The following MRTFA variants were observed in gnomAD, a reference collection of about 807,000 sequenced individuals.
The protein encoded by MRTFA is myocardin related transcription factor A, also known as myocardin-related transcription factor A.
A neutral mutation model predicts 83.5 loss-of-function variants in MRTFA; 20 were observed. The ratio of observed to expected loss-of-function variants is 0.24; its 90% CI spans 0.17 to 0.35. MRTFA has a LOEUF of 0.35. MRTFA is among the 10% of genes least tolerant of loss of function. The pLI is 1.00. For synonymous variants in MRTFA, 659 were observed against 541.2 expected (o/e 1.22, Z -3.02); for missense variants, 1,200 against 1,224.7 (o/e 0.98, Z 0.30).
In MRTFA at chr22:40,420,501, G is replaced by A. The variant is rs2052808053; in HGVS notation, c.1257C>T (p.Ser419=). The A allele has an allele frequency of 1.2e-6, 2 of 1,613,682 alleles. No homozygotes were observed. The highest frequency in any genetic ancestry group is 8.5e-7 in the Non-Finnish European group (1 of 1,180,042). Residue 419 remains serine (S), a synonymous_variant, in exon 11 of 15, where the codon AGC becomes AGT. Coordinates refer to ENST00000355630, the MANE Select transcript of MRTFA (RefSeq NM_020831.6). ...GCCCACAGGGCCCAGGGGCGCCCGA[G>A]CTGGAGCTGCTATTGGTAGTGGAGA...
intron 3 of MRTFA, among the ~76,000 whole-genome samples, chr22:40,514,929 G>A (rs1395795407): frequency 7.9e-5 from 11 of 139,100 alleles, no homozygotes; most frequent in Admixed American, 2.9e-4. Context: ...TTTTTTTTGA[G>A]ACAGAGTCTC....
intron 3 of MRTFA, among the ~76,000 whole-genome samples, chr22:40,520,531 C>T (rs2054847596): frequency 1.3e-5 from 2 of 152,032 alleles, no homozygotes; most frequent in Non-Finnish European, 2.9e-5. Flanking sequence ...CTCAGCCTCC[C>T]GAGTAGCTGA....
chr22:40,538,999 T>G (rs888289348), intron 3 of MRTFA, among the ~76,000 whole-genome samples: 5 of 144,586 alleles, frequency 3.5e-5, no homozygotes, highest in South Asian at 2.3e-4. Context: ...TGTTTTTTTT[T>G]TTTTTTTTTT....
At chr22:40,521,524 A>T (rs1472595038) in intron 3 of MRTFA, among the ~76,000 whole-genome samples, 2 of 149,800 alleles carry the variant, frequency 1.3e-5, no homozygotes, top group African/African-American at 2.4e-5. Flanking sequence ...TATGAGACAG[A>T]GTCTCACTCT....
intron 4 of MRTFA, among the ~76,000 whole-genome samples, chr22:40,461,215 A>G (rs1171730190): frequency 6.6e-6 from 1 of 150,698 alleles, no homozygotes; most frequent in Non-Finnish European, 1.5e-5. Flanking sequence ...AAAAAAAAAA[A>G]AAAAAAAAAA....
chr22:40,585,409 G>A (rs1487057581), intron 2 of MRTFA, among the ~76,000 whole-genome samples: 1 of 152,178 alleles, frequency 6.6e-6, no homozygotes, highest in African/African-American at 2.4e-5. Flanking sequence ...GGGGGAAGGA[G>A]GAGGAGGGAA....
chr22:40,447,338 G>C (rs2053399304), intron 4 of MRTFA, among the ~76,000 whole-genome samples: 1 of 150,398 alleles, frequency 6.6e-6, no homozygotes. Context: ...AAGTAACAGA[G>C]TCTTTGTTTC....
At chr22:40,578,944 C>A (rs1186799269) in intron 2 of MRTFA, among the ~76,000 whole-genome samples, 1 of 151,856 alleles carries the variant, frequency 6.6e-6, no homozygotes, top group African/African-American at 2.4e-5. Flanking sequence ...TAATAAAAAA[C>A]AAAATAAATA....
At chr22:40,562,281 G>C (rs1352368598) in intron 2 of MRTFA, among the ~76,000 whole-genome samples, 1 of 150,676 alleles carries the variant, frequency 6.6e-6, no homozygotes, top group African/African-American at 2.4e-5. Flanking sequence ...GCTGAGTCCA[G>C]CTTTCCAGAC....
chr22:40,453,752 A>G (rs1391408944), intron 4 of MRTFA, among the ~76,000 whole-genome samples: 1 of 152,170 alleles, frequency 6.6e-6, no homozygotes, highest in East Asian at 1.9e-4. Flanking sequence ...GTTAAAAAAA[A>G]TAGGAGTGGG....
At chr22:40,590,992 G>A (rs946944282) in intron 2 of MRTFA, among the ~76,000 whole-genome samples, 22 of 151,934 alleles carry the variant, frequency 1.4e-4, no homozygotes, top group Admixed American at 2.0e-4. Flanking sequence ...AAAATTAGCC[G>A]GGCGTGGTGG....
chr22:40,607,652 G>C (rs1377219500), intron 1 of MRTFA, among the ~76,000 whole-genome samples: 1 of 152,156 alleles, frequency 6.6e-6, no homozygotes, highest in Admixed American at 6.5e-5. Flanking sequence ...CCCAACAGCT[G>C]AGCACAACAC....
chr22:40,540,008 C>T (rs1433548635), intron 3 of MRTFA, among the ~76,000 whole-genome samples: 1 of 150,468 alleles, frequency 6.6e-6, no homozygotes, highest in Non-Finnish European at 1.5e-5. Context: ...CTCCCAGGCT[C>T]AAACGATCCC....
chr22:40,485,623 G>C (rs536097977), intron 3 of MRTFA, among the ~76,000 whole-genome samples: 1 of 152,132 alleles, frequency 6.6e-6, no homozygotes, highest in African/African-American at 2.4e-5. Context: ...ACATGAATGC[G>C]GCCTAAATTG....
rs1403712554 is a variant in MRTFA at position 40,418,559 on chromosome 22, C to T, written c.2179G>A (p.Ala727Thr). The change falls in exon 12 of 15, where the codon GCC (alanine) becomes ACC (threonine). Residue 727 changes from alanine (A) to threonine (T), a missense_variant. Physicochemically the swap from Ala to Thr is moderately conservative, Grantham distance 58 (BLOSUM62 0). Coordinates refer to ENST00000355630, the MANE Select transcript of MRTFA (RefSeq NM_020831.6). Reference sequence around the variant, plus strand: ...ACCGGCTCGGGCTCAGGCTGCAAGGCTTCCTGCTTCACCACCACGGACGGG... The same window carrying T: ...ACCGGCTCGGGCTCAGGCTGCAAGGTTTCCTGCTTCACCACCACGGACGGG... The T allele has an allele frequency of 1.9e-6, 3 of 1,567,956 alleles. No individual in the cohort carries two copies. The highest frequency in any genetic ancestry group is 2.6e-6 in the Non-Finnish European group (3 of 1,162,688).
intron 2 of MRTFA, among the ~76,000 whole-genome samples, chr22:40,589,215 C>T (rs1372314812): frequency 6.6e-6 from 1 of 152,018 alleles, no homozygotes; most frequent in African/African-American, 2.4e-5. Context: ...ATGATTATTT[C>T]CTTGAGCAAC....
chr22:40,612,942 G>A (rs548036589), intron 1 of MRTFA, among the ~76,000 whole-genome samples: 2 of 152,172 alleles, frequency 1.3e-5, no homozygotes, highest in African/African-American at 4.8e-5. Flanking sequence ...GCAAGACCCT[G>A]GCCCAAAAAC....
intron 3 of MRTFA, among the ~76,000 whole-genome samples, chr22:40,497,988 A>G (rs1238769825): frequency 1.3e-5 from 2 of 151,560 alleles, no homozygotes; most frequent in Admixed American, 6.6e-5. Flanking sequence ...TCTTTTTAAA[A>G]TATTAGATGG....
chr22:40,464,918 T>C (rs974439131), intron 3 of MRTFA, among the ~76,000 whole-genome samples: 1 of 152,200 alleles, frequency 6.6e-6, no homozygotes, highest in African/African-American at 2.4e-5. Flanking sequence ...CTTATCAATT[T>C]TACCCTGCCA....
Sources: gnomAD v4.1 joint callset for allele counts (sites outside exome capture counted in the v4.1 genomes callset) on GRCh38, gnomAD v4.1.1 for gene constraint, MANE v1.5 for transcripts, NCBI Gene and HGNC (gene_info 2026-07-23, HGNC 2026-07-21) for gene names.